The following PCDH11X variants were observed in gnomAD, a reference collection of about 807,000 sequenced individuals.
PCDH11X encodes the protein protocadherin-11 X-linked.
In PCDH11X, 18 loss-of-function variants were observed where a neutral mutation model predicts 53.3. The observed-to-expected ratio is 0.34, with a 90% confidence interval of 0.23 to 0.50. The LOEUF is 0.50. Among genes scored for constraint, PCDH11X ranks in the 20% least tolerant of loss-of-function variants. The probability of loss-of-function intolerance (pLI) is 0.98; values close to 1 mark genes in which losing one functional copy is unlikely to be tolerated. For missense variants in PCDH11X, 570 were observed against 1,032.4 expected (o/e 0.55, Z 6.14); for synonymous variants, 279 against 393.3 (o/e 0.71, Z 3.44).
chrX:92,410,721 A>G (rs62596926), intron 9 of PCDH11X, among the ~76,000 whole-genome samples: 13,261 of 92,107 alleles, frequency 0.14, 2,078 homozygotes, highest in African/African-American at 0.37. Flanking sequence ...ATAGCAGGAA[A>G]TGTTAGGAAT....
chrX:92,587,073 G>A (rs1210698829), intron 10 of PCDH11X, among the ~76,000 whole-genome samples: 2 of 104,049 alleles, frequency 1.9e-5, no homozygotes, highest in African/African-American at 7.0e-5. Context: ...TGGGGCAATT[G>A]GGAAGCTGCT....
chrX:92,575,077 C>A (rs772431436), intron 10 of PCDH11X, among the ~76,000 whole-genome samples: 6 of 110,716 alleles, frequency 5.4e-5, no homozygotes, highest in African/African-American at 2.0e-4. Flanking sequence ...TTTTTCATCA[C>A]TTCATTCTAT....
intron 8 of PCDH11X, among the ~76,000 whole-genome samples, chrX:92,281,714 G>A (rs1243310180): frequency 3.6e-5 from 4 of 111,557 alleles, no homozygotes; most frequent in African/African-American, 6.5e-5. Flanking sequence ...GTGAATTGTG[G>A]ATGTTGACAT....
At chrX:91,975,475 C>G (rs927057025) in intron 6 of PCDH11X, among the ~76,000 whole-genome samples, 12 of 110,878 alleles carry the variant, frequency 1.1e-4, no homozygotes, top group African/African-American at 3.9e-4. Context: ...GTGGTCCTGG[C>G]TGGAGATATA....
At position 92,524,860 on chromosome X, in the gene PCDH11X, A is replaced by G. The variant is rs191907175; in HGVS notation, c.3367+56538A>G. ...TAATACCTAAAATTTAGTACAGGGC[A>G]TGTGCTTGTGTCTCTAATCAGGACC... On this transcript the variant is annotated intron_variant, in intron 10 of 10. Coordinates refer to ENST00000682573, the MANE Select transcript of PCDH11X (RefSeq NM_032968.5). Among the ~76,000 whole-genome samples the G allele has an allele frequency of 5.7e-4, 64 of 111,496 alleles. 1 individual carries two copies. In the Admixed American group the frequency reaches 5.9e-3, roughly 10 times the overall value.
chrX:91,885,495 A>G (rs1246563661), intron 6 of PCDH11X, among the ~76,000 whole-genome samples: 2 of 109,546 alleles, frequency 1.8e-5, no homozygotes, highest in African/African-American at 3.3e-5. Flanking sequence ...AGTGTCCCAT[A>G]ATAAGCTGTC....
chrX:91,901,649 A>G (rs944573034), intron 6 of PCDH11X, among the ~76,000 whole-genome samples: 9 of 111,511 alleles, frequency 8.1e-5, no homozygotes, highest in African/African-American at 2.6e-4. Context: ...ATTTTACTCT[A>G]TTATCACTCT....
intron 6 of PCDH11X, among the ~76,000 whole-genome samples, chrX:92,085,039 G>C (rs766735035): frequency 9.1e-6 from 1 of 110,381 alleles, no homozygotes; most frequent in South Asian, 3.8e-4. Context: ...GAATGAGGCG[G>C]CACTCAGAAC....
At chrX:91,814,150 A>G (rs952950668) in intron 4 of PCDH11X, among the ~76,000 whole-genome samples, 2 of 110,017 alleles carry the variant, frequency 1.8e-5, no homozygotes, top group Non-Finnish European at 3.8e-5. Context: ...GCACGTATCC[A>G]ATTAAAATAA....
At chrX:91,969,272 G>T (rs187126085) in intron 6 of PCDH11X, among the ~76,000 whole-genome samples, 76 of 110,495 alleles carry the variant, frequency 6.9e-4, no homozygotes, top group African/African-American at 2.2e-3. Context: ...GCAAGCCCAA[G>T]GACAACATTT....
At chrX:92,011,928 G>A (rs1457357460) in intron 6 of PCDH11X, among the ~76,000 whole-genome samples, 1 of 110,115 alleles carries the variant, frequency 9.1e-6, no homozygotes, top group Non-Finnish European at 1.9e-5. Context: ...CAGAATCTAG[G>A]CCTTCTTTCC....
At chrX:92,553,979 CAG>C (rs765362027) in intron 10 of PCDH11X, among the ~76,000 whole-genome samples, 1 of 111,105 alleles carries the variant, frequency 9.0e-6, no homozygotes, top group East Asian at 2.8e-4. Context: ...TTTATTTACA[CAG>C]AGTCAGTTTT....
intron 6 of PCDH11X, among the ~76,000 whole-genome samples, chrX:91,975,717 G>A (rs2147917731): frequency 9.0e-6 from 1 of 111,001 alleles, no homozygotes; most frequent in East Asian, 2.9e-4. Flanking sequence ...ATCAAGCAGG[G>A]GGAAAGGATC....
intron 6 of PCDH11X, among the ~76,000 whole-genome samples, chrX:92,095,034 A>C (rs1216922044): frequency 1.8e-5 from 2 of 111,192 alleles, no homozygotes; most frequent in African/African-American, 6.5e-5. Context: ...AACACGGAGC[A>C]ACAAGTGAAT....
chrX:92,378,924 A>T (rs2070810626), intron 8 of PCDH11X, among the ~76,000 whole-genome samples: 1 of 113,195 alleles, frequency 8.8e-6, no homozygotes, highest in Non-Finnish European at 1.9e-5. Context: ...GGCTTAAATA[A>T]TCTGAATCTT....
intron 10 of PCDH11X, among the ~76,000 whole-genome samples, chrX:92,493,312 G>T (rs186939798): frequency 9.0e-6 from 1 of 110,725 alleles, no homozygotes; most frequent in Non-Finnish European, 1.9e-5. Flanking sequence ...GCTGTACATT[G>T]TGTCTATAGT....
At position 92,013,949 on chromosome X, in the gene PCDH11X, A is replaced by T. The variant is rs1237651104; in HGVS notation, c.3033+134676A>T. Among the ~76,000 whole-genome samples, 7 of 111,860 alleles carry T rather than the reference A, an allele frequency of 6.3e-5. No individual in the cohort carries two copies. In the East Asian group the frequency reaches 1.1e-3, roughly 18 times the overall value. On this transcript the variant is annotated intron_variant, in intron 6 of 10. Coordinates refer to ENST00000682573, the MANE Select transcript of PCDH11X (RefSeq NM_032968.5). ...AAAAACCTAGAAGAAAACCTAGGCA[A>T]TACCATTCAGGACATAGGCATGGGC...
chrX:91,838,253 A>G (rs1358667937), intron 5 of PCDH11X, among the ~76,000 whole-genome samples: 1 of 111,904 alleles, frequency 8.9e-6, no homozygotes, highest in Non-Finnish European at 1.9e-5. Flanking sequence ...ATGTGCTTTC[A>G]TTTGACATTC....
rs968571545 is a variant in PCDH11X at position 92,054,432 on chromosome X, C to A, written c.3034-146943C>A. ...AAATTTTTACTTCATTGGTCAAAGC[C>A]TGATAAATAAGAAATTTTTACAGGA... is the stretch of plus-strand genomic sequence containing the variant. On this transcript the variant is annotated intron_variant, in intron 6 of 10. Transcript: ENST00000682573. Among the ~76,000 whole-genome samples, 6 of 111,713 alleles carry A rather than the reference C, an allele frequency of 5.4e-5. No individual in the cohort carries two copies. In the Admixed American group the frequency reaches 5.7e-4, roughly 11 times the overall value.
Sources: gnomAD v4.1 joint callset for allele counts (sites outside exome capture counted in the v4.1 genomes callset) on GRCh38, gnomAD v4.1.1 for gene constraint, MANE v1.5 for transcripts, NCBI Gene and HGNC (gene_info 2026-07-23, HGNC 2026-07-21) for gene names.